JPT2: variants seen among roughly 807,000 people sequenced by gnomAD.
The protein encoded by JPT2 is CRAMP_1 like.
Under a neutral mutation model 15.9 loss-of-function variants are expected in JPT2, and 9 were observed. That is an observed-to-expected ratio of 0.57 (90% CI 0.34 to 0.99). The LOEUF (loss-of-function observed/expected upper bound fraction) is 0.99. JPT2 is among the 50% of genes least tolerant of loss of function. JPT2 has a pLI of 0.02. For missense variants in JPT2, 267 were observed against 252.1 expected, an observed-to-expected ratio of 1.06 and a Z score of -0.40; for synonymous variants, 95 against 91.7, an observed-to-expected ratio of 1.04 and a Z score of -0.21.
chr16:1,699,103 T>C lies in JPT2; in HGVS notation c.*105T>C, dbSNP rs1198237307. The C allele has an allele frequency of 8.2e-7, 1 of 1,214,976 alleles. No homozygotes were observed. The highest frequency in any genetic ancestry group is 1.2e-6 in the Non-Finnish European group (1 of 834,330). The allele number at this position is 1,214,976 out of a possible 1,614,324, so 75.3% of individuals were successfully genotyped here. A position where few individuals can be genotyped will look rare whatever the true frequency, so the allele number is the denominator to read the frequency against. On this transcript the variant is annotated 3_prime_UTR_variant, in exon 5 of 5. Coordinates refer to ENST00000248098, the MANE Select transcript of JPT2 (RefSeq NM_144570.3). ...ATGAGCGGGGTGGGAAGAGGGTTAG[T>C]CTTATGTGAGCCTGGCTGCTCAGCG... is the stretch of plus-strand genomic sequence containing the variant.
chr16:1,692,201 T>C, intron 3 of JPT2: 1 of 623,122 alleles, frequency 1.6e-6, no homozygotes, highest in Non-Finnish European at 2.7e-6. Context: ...TGGGGGAAGC[T>C]CTTCTGTGCT....
In JPT2 at chr16:1,682,239, C is replaced by T. The variant is rs1419399523; in HGVS notation, c.45-3200C>T. 4.0e-5 allele frequency among the ~76,000 whole-genome samples: 6 copies of T among 150,804 alleles called. No homozygotes were observed. The South Asian group carries it at 8.4e-4, about 21-fold the overall frequency. ...AAAAATACAAAAAAATAGCCAAGCACGGTGACGCACACCTGTAATCCCAGC... is the reference window on the plus strand; with the variant it reads ...AAAAATACAAAAAAATAGCCAAGCATGGTGACGCACACCTGTAATCCCAGC... On this transcript the variant is annotated intron_variant, in intron 1 of 4. Coordinates refer to ENST00000248098, the MANE Select transcript of JPT2 (RefSeq NM_144570.3).
intron 3 of JPT2, among the ~76,000 whole-genome samples, chr16:1,695,701 TCTC>T (rs1303960626): frequency 1.3e-5 from 2 of 151,650 alleles, no homozygotes; most frequent in Non-Finnish European, 2.9e-5. Flanking sequence ...CAAAACCCCT[TCTC>T]CACAAAAATA....
chr16:1,681,357 C>G (rs927197376), intron 1 of JPT2, among the ~76,000 whole-genome samples: 1 of 152,174 alleles, frequency 6.6e-6, no homozygotes, highest in Non-Finnish European at 1.5e-5. Context: ...GGCCTGTGTG[C>G]GCCATAATTT....
chr16:1,681,226 C>CGCTCAGTTCCATTCAT (rs2037020537), intron 1 of JPT2, among the ~76,000 whole-genome samples: 1 of 152,132 alleles, frequency 6.6e-6, no homozygotes, highest in African/African-American at 2.4e-5. Flanking sequence ...GTCTATTGAA[C>CGCTCAGTTCCATTCAT]GCTCAGTTCC....
chr16:1,699,192 T>G lies in JPT2; in HGVS notation c.*194T>G. The stretch of plus-strand genomic sequence containing the variant: ...CTTCCAGATGGCTGGGAGATGCCTC[T>G]GTGGGGATGAAATGGGGCACCCCTG... On this transcript the variant is annotated 3_prime_UTR_variant, in exon 5 of 5. Coordinates refer to ENST00000248098, the MANE Select transcript of JPT2 (RefSeq NM_144570.3). 1 of 692,124 alleles carries G rather than the reference T, an allele frequency of 1.4e-6. No homozygotes were observed. The highest frequency in any genetic ancestry group is 2.6e-6 in the Non-Finnish European group (1 of 382,700). 42.9% of individuals were successfully genotyped at this position (692,124 alleles called of 1,614,324 possible). A position where few individuals can be genotyped will look rare whatever the true frequency, so the allele number is the denominator to read the frequency against.
chr16:1,696,431 G>A (rs2037142465), intron 3 of JPT2, among the ~76,000 whole-genome samples: 1 of 151,420 alleles, frequency 6.6e-6, no homozygotes, highest in South Asian at 2.1e-4. Flanking sequence ...TGAGGCAAGA[G>A]AATTGCTTGA....
chr16:1,697,733 G>A, intron 3 of JPT2, 79 bp from the exon 4 acceptor site: 3 of 1,345,630 alleles, frequency 2.2e-6, no homozygotes, highest in Non-Finnish European at 2.1e-6. Flanking sequence ...AGGTTATATG[G>A]TCCTGATTTT....
chr16:1,694,740 G>A (rs1423416096), intron 3 of JPT2, among the ~76,000 whole-genome samples: 1 of 151,878 alleles, frequency 6.6e-6, no homozygotes, highest in Non-Finnish European at 1.5e-5. Flanking sequence ...GGAAAGAACA[G>A]TCTCTTTAGC....
At chr16:1,690,218 A>AC (rs1158756762) in intron 2 of JPT2, 1 of 151,474 alleles carries the variant, frequency 6.6e-6, no homozygotes, top group African/African-American at 2.4e-5. Context: ...AGGTGCACAG[A>AC]CCCCCAGCCG....
At position 1,687,557 on chromosome 16, in the gene JPT2, C is replaced by T. The variant is rs889516725; in HGVS notation, c.193+1970C>T. On this transcript the variant is annotated intron_variant, in intron 2 of 4. Transcript: ENST00000248098. ...GTCATGTCTGGAGCTGTTCCTAGAG[C>T]ACTCCATGGAAGGCAGGCGGTACCA... is the stretch of plus-strand genomic sequence containing the variant. Among the ~76,000 whole-genome samples, 3 of 152,132 alleles carry T rather than the reference C, an allele frequency of 2.0e-5. No homozygotes were observed. The East Asian group carries it at 5.8e-4, about 29-fold the overall frequency.
chr16:1,695,104 C>CT (rs1272603095), intron 3 of JPT2, among the ~76,000 whole-genome samples: 6 of 152,060 alleles, frequency 3.9e-5, no homozygotes, highest in African/African-American at 1.4e-4. Context: ...TCTAAAAAAA[C>CT]TTTTTTTTAA....
At chr16:1,689,631 C>T (rs1415481184) in intron 2 of JPT2, 1 of 152,156 alleles carries the variant, frequency 6.6e-6, no homozygotes, top group Non-Finnish European at 1.5e-5. Context: ...TTTGTAGAGA[C>T]AAGGTCTCAC....
intron 2 of JPT2, chr16:1,685,908 G>A (rs949523529): frequency 2.6e-5 from 6 of 233,340 alleles, no homozygotes; most frequent in East Asian, 9.7e-5. Context: ...CTGAAATTGC[G>A]TGCAAATTAT....
At chr16:1,688,329 TA>T (rs1190181452) in intron 2 of JPT2, 22 of 152,228 alleles carry the variant, frequency 1.4e-4, no homozygotes, top group African/African-American at 4.3e-4. Flanking sequence ...GTAGCAGTGC[TA>T]GTCGGTGGCA....
chr16:1,685,779 C>T (rs1020672111), intron 2 of JPT2, 192 bp downstream of exon 2: 2 of 578,744 alleles, frequency 3.5e-6, no homozygotes, highest in African/African-American at 4.1e-5. Flanking sequence ...GTCTTGAATT[C>T]TCCATCTGTT....
intron 1 of JPT2, among the ~76,000 whole-genome samples, chr16:1,684,909 T>TAAA (rs1341689248): frequency 1.6e-5 from 2 of 122,462 alleles, no homozygotes; most frequent in African/African-American, 6.4e-5. Context: ...AGACTCCATC[T>TAAA]CAAAAAAAAA....
downstream of JPT2, chr16:1,702,307 C>T: frequency 2.6e-6 from 1 of 391,302 alleles, no homozygotes; most frequent in Non-Finnish European, 5.2e-6. Flanking sequence ...TGTTCATCCA[C>T]AGGGTATAGA....
chr16:1,692,123 A>G (rs2037107816), intron 3 of JPT2, 138 bp downstream of exon 3: 1 of 1,148,706 alleles, frequency 8.7e-7, no homozygotes, highest in African/African-American at 1.5e-5. Context: ...TGCAAGCATT[A>G]GTCATCGAGT....
Sources: allele counts gnomAD v4.1 joint callset (sites outside exome capture counted in the v4.1 genomes callset), GRCh38; gene constraint gnomAD v4.1.1; transcripts MANE v1.5; gene names NCBI Gene and HGNC (gene_info 2026-07-23, HGNC 2026-07-21).